Variants in TMTC4 observed in about 807,000 individuals in gnomAD.
TMTC4 encodes the protein protein O-mannosyl-transferase TMTC4.
TMTC4 carries 65 observed loss-of-function variants against 86.0 expected under a neutral mutation model. The ratio of observed to expected loss-of-function variants is 0.76; its 90% CI spans 0.62 to 0.93. TMTC4 has a LOEUF of 0.93. Among genes scored for constraint, TMTC4 ranks in the 40% least tolerant of loss-of-function variants. The pLI is 0.00. For missense variants in TMTC4, 866 were observed against 948.1 expected (o/e 0.91, Z 1.14); for synonymous variants, 379 against 382.5 (o/e 0.99, Z 0.11).
At chr13:100,639,667 T>A (rs1235607431) in intron 7 of TMTC4, among the ~76,000 whole-genome samples, 1 of 152,142 alleles carries the variant, frequency 6.6e-6, no homozygotes, top group Non-Finnish European at 1.5e-5. Context: ...AGGCCTGGCG[T>A]GGTGGCTCAC....
intron 15 of TMTC4, among the ~76,000 whole-genome samples, chr13:100,619,198 G>A (rs1408662936): frequency 6.6e-6 from 1 of 152,112 alleles, no homozygotes; most frequent in African/African-American, 2.4e-5. Flanking sequence ...CCTGGATGGG[G>A]CGGCCGGCCG....
chr13:100,616,868 T>G (rs1013998653), intron 15 of TMTC4, among the ~76,000 whole-genome samples: 21 of 152,174 alleles, frequency 1.4e-4, no homozygotes, highest in Middle Eastern at 3.2e-3. Flanking sequence ...ATGGGGCTGT[T>G]TTTTTGCTTG....
intron 5 of TMTC4, among the ~76,000 whole-genome samples, chr13:100,660,145 T>C (rs1885586919): frequency 6.6e-6 from 1 of 151,232 alleles, no homozygotes. Flanking sequence ...AGCCTGTCCA[T>C]CATGGTGAAA....
intron 15 of TMTC4, among the ~76,000 whole-genome samples, chr13:100,614,701 A>G (rs1463840582): frequency 1.3e-5 from 2 of 152,230 alleles, no homozygotes; most frequent in East Asian, 3.8e-4. Context: ...GTTATAGACT[A>G]GAAATGGTAA....
chr13:100,620,313 C>T (rs1879282143), intron 15 of TMTC4, among the ~76,000 whole-genome samples: 1 of 152,158 alleles, frequency 6.6e-6, no homozygotes, highest in Non-Finnish European at 1.5e-5. Flanking sequence ...TCCTTCCTTC[C>T]CCTGGCAGTG....
intron 1 of TMTC4, chr13:100,674,194 G>A (rs1377984853): frequency 2.0e-6 from 2 of 982,262 alleles, no homozygotes; most frequent in African/African-American, 1.8e-5. Flanking sequence ...GTGGCCCCGC[G>A]CTCGCGCCGC....
intron 5 of TMTC4, among the ~76,000 whole-genome samples, chr13:100,661,036 C>T (rs1434820660): frequency 6.6e-6 from 1 of 152,174 alleles, no homozygotes; most frequent in African/African-American, 2.4e-5. Flanking sequence ...TGCAGAAACG[C>T]TGAAAGGTAA....
chr13:100,625,360 G>C (rs1451108478), intron 15 of TMTC4, 175 bp downstream of exon 15: 3 of 870,190 alleles, frequency 3.4e-6, no homozygotes, highest in South Asian at 1.7e-5. Flanking sequence ...TCTCTAATGA[G>C]AGCTTTAAAA....
chr13:100,653,153 T>C (rs763230991), intron 6 of TMTC4, among the ~76,000 whole-genome samples: 2 of 152,226 alleles, frequency 1.3e-5, no homozygotes, highest in Non-Finnish European at 2.9e-5. Flanking sequence ...GAACTGATCA[T>C]TAACATGATG....
At position 100,635,122 on chromosome 13, in the gene TMTC4, A is replaced by G. The variant is rs2138867447; in HGVS notation, c.1276T>C (p.Phe426Leu). Residue 426 changes from phenylalanine (F) to leucine (L), a missense_variant, in exon 11 of 19, where the codon TTC becomes CTC. By Grantham distance (22) the Phe-to-Leu change is conservative (BLOSUM62 0). Transcript: ENST00000342624. Reference sequence around the variant, plus strand: ...TAGAGGACACGCTCTGCGACCACGAAGCCCACTCGGAAGAACAGGTTACTC... The same window carrying G: ...TAGAGGACACGCTCTGCGACCACGAGGCCCACTCGGAAGAACAGGTTACTC... ...PASNLFFRVG[F>L]VVAERVLYLP... 1 of 1,614,138 alleles carries G rather than the reference A, an allele frequency of 6.2e-7. No individual in the cohort carries two copies. Among genetic ancestry groups the G allele is most frequent in the Non-Finnish European group, 8.5e-7 (1 of 1,180,014 alleles).
rs1876438916 is a variant in TMTC4 at position 100,605,453 on chromosome 13, C to G, written c.2135-311G>C. ...ATGTCTTAGTGCTGCCATGAAATTT[C>G]CAGGAAGCAAGGCTGGGTATGGGAG... is the stretch of plus-strand genomic sequence containing the variant. On this transcript the variant is annotated intron_variant, in intron 18 of 18. Transcript: ENST00000342624. The surrounding 1 kb of genome is among the most constrained non-coding windows in gnomAD (Gnocchi z 4.3). Among the ~76,000 whole-genome samples the G allele has an allele frequency of 6.6e-6, 1 of 152,100 alleles. No individual in the cohort carries two copies. Among genetic ancestry groups the G allele is most frequent in the African/African-American group, 2.4e-5 (1 of 41,406 alleles).
intron 5 of TMTC4, among the ~76,000 whole-genome samples, chr13:100,660,493 G>T (rs1273728312): frequency 3.3e-5 from 5 of 152,076 alleles, no homozygotes; most frequent in Admixed American, 3.3e-4. Flanking sequence ...ATCTCACAGG[G>T]ATCTATGTGG....
chr13:100,611,718 G>C (rs542697169), intron 17 of TMTC4, among the ~76,000 whole-genome samples: 1 of 152,320 alleles, frequency 6.6e-6, no homozygotes, highest in South Asian at 2.1e-4. Context: ...GATTCTGATA[G>C]ACAAAATTAA....
rs918007029 is a variant in TMTC4, at chr13:100,674,782, G to A, written c.-246C>T. 7 of 983,860 alleles carry A rather than the reference G, an allele frequency of 7.1e-6. No homozygotes were observed. The East Asian group carries it at 8.0e-4, about 113-fold the overall frequency. The allele number at this position is 983,860 out of a possible 1,614,324, so 60.9% of individuals were successfully genotyped here. On this transcript the variant is annotated 5_prime_UTR_variant, in exon 1 of 19. Transcript: ENST00000342624. ...GAGCCCCGGCCGCATCTCCCTCCCG[G>A]GTGCGGAAACTCTGGCGGCTCCAGG...
chr13:100,612,302 G>T, intron 17 of TMTC4, 96 bp downstream of exon 17: 1 of 968,182 alleles, frequency 1.0e-6, no homozygotes, highest in Non-Finnish European at 1.6e-6. Flanking sequence ...CACTGTTTTG[G>T]CCTGATTCCT....
intron 15 of TMTC4, chr13:100,615,000 A>T: frequency 1.0e-6 from 1 of 964,130 alleles, no homozygotes; most frequent in South Asian, 4.8e-5. Flanking sequence ...AGCATATCAG[A>T]CATACTTTGT....
Position 100,605,219 on chromosome 13 carries a change from A to T in TMTC4, c.2135-77T>A, listed in dbSNP as rs1594212002. ...GTATTCCTACCCTCTTGGACAAAGAAATATTACAGATCCTATGCAAACAGT... is the reference window on the plus strand; with the variant it reads ...GTATTCCTACCCTCTTGGACAAAGATATATTACAGATCCTATGCAAACAGT... On this transcript the variant is annotated intron_variant, in intron 18 of 18. Coordinates refer to ENST00000342624, the MANE Select transcript of TMTC4 (RefSeq NM_032813.5). The surrounding 1 kb of genome is among the most constrained non-coding windows in gnomAD (Gnocchi z 4.3). 1 of 1,483,102 alleles carries T rather than the reference A, an allele frequency of 6.7e-7. No individual in the cohort carries two copies. Among genetic ancestry groups the T allele is most frequent in the African/African-American group, 1.4e-5 (1 of 70,774 alleles). The allele number at this position is 1,483,102 out of a possible 1,614,324, so 91.9% of individuals were successfully genotyped here. A position where few individuals can be genotyped will look rare whatever the true frequency, so the allele number is the denominator to read the frequency against.
intron 5 of TMTC4, among the ~76,000 whole-genome samples, chr13:100,657,126 C>T (rs1344516083): frequency 2.6e-5 from 4 of 152,146 alleles, no homozygotes; most frequent in Non-Finnish European, 2.9e-5. Flanking sequence ...ACTTAGTCTT[C>T]TGAGGTCACA....
chr13:100,634,971 T>C, intron 11 of TMTC4, 35 bp from the exon 12 acceptor site: 1 of 1,610,718 alleles, frequency 6.2e-7, no homozygotes, highest in Middle Eastern at 1.7e-4. Context: ...TTGTCACCAG[T>C]GAGATGCATC....
Sources: gnomAD v4.1 joint callset for allele counts (sites outside exome capture counted in the v4.1 genomes callset) on GRCh38, gnomAD v4.1.1 for gene constraint, Gnocchi (gnomAD v3.1) non-coding constraint, MANE v1.5 for transcripts, NCBI Gene and HGNC (gene_info 2026-07-23, HGNC 2026-07-21) for gene names.